Variants in PLVAP observed in about 807,000 individuals in gnomAD.
PLVAP encodes plasmalemma vesicle-associated protein.
Under a neutral mutation model 43.1 loss-of-function variants are expected in PLVAP, and 34 were observed. The observed-to-expected ratio is 0.79, with a 90% CI of 0.60 to 1.05. PLVAP has a LOEUF of 1.05. PLVAP is among the 50% of genes least tolerant of loss of function. The probability of loss-of-function intolerance (pLI) is 0.00; values close to 1 mark genes in which losing one functional copy is unlikely to be tolerated. For synonymous variants in PLVAP, 241 were observed against 237.3 expected, an observed-to-expected ratio of 1.02 and a Z score of -0.14; for missense variants, 574 against 593.4, an observed-to-expected ratio of 0.97 and a Z score of 0.34.
intron 5 of PLVAP, among the ~76,000 whole-genome samples, chr19:17,358,117 C>T (rs1015245728): frequency 6.6e-6 from 1 of 152,104 alleles, no homozygotes; most frequent in Non-Finnish European, 1.5e-5. Flanking sequence ...TTGCTTGGAG[C>T]GGGGAATCTC....
chr19:17,360,101 G>A (rs1442766374), intron 5 of PLVAP, among the ~76,000 whole-genome samples: 1 of 152,180 alleles, frequency 6.6e-6, no homozygotes, highest in Non-Finnish European at 1.5e-5. Flanking sequence ...TCATGTCCCA[G>A]CTCTGCTGTG....
At chr19:17,357,619 G>A (rs894086724) in intron 5 of PLVAP, among the ~76,000 whole-genome samples, 17 of 152,256 alleles carry the variant, frequency 1.1e-4, no homozygotes, top group Non-Finnish European at 1.6e-4. Context: ...AGCTATGATC[G>A]TGCCACTGCA....
chr19:17,376,890 C>A, intron 1 of PLVAP, 30 bp downstream of exon 1: 1 of 1,589,728 alleles, frequency 6.3e-7, no homozygotes. Context: ...CTCAGGGTCC[C>A]CAGGGCGAGT....
intron 1 of PLVAP, among the ~76,000 whole-genome samples, chr19:17,368,457 C>T (rs989602932): frequency 6.6e-6 from 1 of 151,954 alleles, no homozygotes; most frequent in Non-Finnish European, 1.5e-5. Context: ...GGTGATTCGC[C>T]CCCCTCGGCC....
chr19:17,372,496 G>A (rs183747247), intron 1 of PLVAP, among the ~76,000 whole-genome samples: 2,212 of 148,334 alleles, frequency 0.015, 50 homozygotes, highest in African/African-American at 0.051. Flanking sequence ...TCGCTCTGTC[G>A]CCCAGGCTGG....
intron 1 of PLVAP, among the ~76,000 whole-genome samples, chr19:17,370,940 C>T (rs1209785647): frequency 6.6e-6 from 1 of 151,398 alleles, no homozygotes; most frequent in Admixed American, 6.6e-5. Context: ...CCTGTAGTCC[C>T]AGCTACTCGG....
intron 3 of PLVAP, among the ~76,000 whole-genome samples, chr19:17,364,483 G>A (rs189450771): frequency 1.3e-5 from 2 of 152,194 alleles, no homozygotes; most frequent in Admixed American, 1.3e-4. Context: ...TTACAAGTGT[G>A]AGCCACCAAG....
At position 17,365,796 on chromosome 19, in the gene PLVAP, G is replaced by A; in HGVS notation, c.669C>T (p.Ala223=). 1 of 1,614,086 alleles carries A rather than the reference G, an allele frequency of 6.2e-7. No homozygotes were observed. Among genetic ancestry groups the A allele is most frequent in the Non-Finnish European group, 8.5e-7 (1 of 1,180,016 alleles). The change falls in exon 3 of 6, where the codon GCC becomes GCT. Residue 223 remains alanine (A), a synonymous_variant. Transcript: ENST00000252590. ...LAKEQLQKVQ[A]LCLPLDKDKF... ...TGTCCTTGTCCAGGGGCAGGCAGAG[G>A]GCTTGCACCTTTTGCAGTTGCTCCT...
chr19:17,355,048 G>A (rs546971573), intron 5 of PLVAP, among the ~76,000 whole-genome samples: 2 of 150,286 alleles, frequency 1.3e-5, no homozygotes, highest in South Asian at 4.2e-4. Context: ...ATGGTGAAAC[G>A]CCATCTCTAC....
chr19:17,356,135 C>A (rs1023958940), intron 5 of PLVAP, among the ~76,000 whole-genome samples: 10 of 152,060 alleles, frequency 6.6e-5, no homozygotes, highest in Non-Finnish European at 1.3e-4. Context: ...GTGGTGAAAC[C>A]CTGTCTCTAC....
chr19:17,361,011 T>G, intron 3 of PLVAP, 179 bp from the exon 4 acceptor site: 1 of 588,468 alleles, frequency 1.7e-6, no homozygotes, highest in Non-Finnish European at 3.0e-6. Context: ...GCCTCCCAGG[T>G]TCAAGCGATT....
At chr19:17,353,606 C>T (rs1221554707) in intron 5 of PLVAP, among the ~76,000 whole-genome samples, 2 of 152,118 alleles carry the variant, frequency 1.3e-5, no homozygotes, top group African/African-American at 4.8e-5. Context: ...CTGTCTGGTG[C>T]ACCCTTCCTG....
rs369742034 is a variant in PLVAP at position 17,377,100 on chromosome 19, G to A, written c.189C>T (p.Thr63=). 144 of 1,614,002 alleles carry A rather than the reference G, an allele frequency of 8.9e-5. No individual in the cohort carries two copies. The highest frequency in any genetic ancestry group is 1.1e-4 in the Non-Finnish European group (132 of 1,180,030). Residue 63 remains threonine (T), a synonymous_variant, in exon 1 of 6, where the codon ACC becomes ACT. Transcript: ENST00000252590. ...TGTATAGGCCCTCGGCTCGGCGCTC[G>A]GTGGCCTGCAGGTTGGACTCTGTGC... ...HVSTESNLQA[T]ERRAEGLYSQ...
At chr19:17,359,588 T>A (rs2074519770) in intron 5 of PLVAP, among the ~76,000 whole-genome samples, 1 of 151,520 alleles carries the variant, frequency 6.6e-6, no homozygotes, top group African/African-American at 2.4e-5. Flanking sequence ...GTATTTTTAG[T>A]AGAGATGGGG....
intron 1 of PLVAP, among the ~76,000 whole-genome samples, chr19:17,373,192 CT>C (rs2074581243): frequency 6.8e-6 from 1 of 147,124 alleles, no homozygotes; most frequent in Non-Finnish European, 1.5e-5. Flanking sequence ...TTGGGAGGGT[CT>C]GAGGGAGGGG....
At chr19:17,355,857 A>G (rs2074504799) in intron 5 of PLVAP, among the ~76,000 whole-genome samples, 1 of 152,086 alleles carries the variant, frequency 6.6e-6, no homozygotes, top group African/African-American at 2.4e-5. Flanking sequence ...TATCGTTTTT[A>G]AAGAAACTTA....
At chr19:17,361,076 G>T in intron 3 of PLVAP, 1 of 434,180 alleles carries the variant, frequency 2.3e-6, no homozygotes, top group South Asian at 3.0e-5. Flanking sequence ...CACCATGCCT[G>T]GCTAATTTTT....
intron 3 of PLVAP, among the ~76,000 whole-genome samples, chr19:17,364,331 T>C (rs1302957157): frequency 6.6e-6 from 1 of 151,750 alleles, no homozygotes; most frequent in Non-Finnish European, 1.5e-5. Context: ...GCAATCCACC[T>C]GCCTCCGCCT....
chr19:17,360,800 C>T lies in PLVAP; in HGVS notation c.1212G>A (p.Met404Ile). ...TGGGCTGGGGGTTGGGGACAGGGCC[C>T]ATGGGCCTTGACACTGGCATCATCG... is the stretch of plus-strand genomic sequence containing the variant. ...SQPMMPVSRP[M>I]GPVPNPQPID... is the part of the protein sequence containing the mutation. The change falls in exon 4 of 6, where the codon ATG becomes ATA. Residue 404 changes from methionine (M) to isoleucine (I), a missense_variant. Transcript: ENST00000252590. 6.2e-7 allele frequency: 1 copy of T among 1,614,020 alleles called. No individual in the cohort carries two copies.
Sources: gnomAD v4.1 joint callset for allele counts (sites outside exome capture counted in the v4.1 genomes callset) on GRCh38, gnomAD v4.1.1 for gene constraint, MANE v1.5 for transcripts, NCBI Gene and HGNC (gene_info 2026-07-23, HGNC 2026-07-21) for gene names.